CDH10: variants seen among roughly 807,000 people sequenced by gnomAD.
CDH10 encodes the protein cadherin-10.
Under a neutral mutation model 73.1 loss-of-function variants are expected in CDH10, and 30 were observed. The observed-to-expected ratio is 0.41, with a 90% CI of 0.31 to 0.56. The LOEUF (loss-of-function observed/expected upper bound fraction) is 0.56, where lower values mean the gene tolerates loss of function less well. CDH10 is among the 20% of genes least tolerant of loss of function. The pLI is 0.27. For synonymous variants in CDH10, 345 were observed against 348.2 expected, an observed-to-expected ratio of 0.99 and a Z score of 0.10; for missense variants, 815 against 973.7, an observed-to-expected ratio of 0.84 and a Z score of 2.17.
intron 9 of CDH10, among the ~76,000 whole-genome samples, chr5:24,496,220 A>G (rs1301427707): frequency 6.6e-6 from 1 of 152,204 alleles, no homozygotes; most frequent in Non-Finnish European, 1.5e-5. Context: ...TAAGCAGCAT[A>G]TACAGATTTC....
In CDH10 at chr5:24,535,752, A is replaced by G; in HGVS notation, c.597T>C (p.Ile199=). 1 of 1,611,524 alleles carries G rather than the reference A, an allele frequency of 6.2e-7. No homozygotes were observed. The highest frequency in any genetic ancestry group is 8.5e-7 in the Non-Finnish European group (1 of 1,178,308). ...DPSYGNSARV[I]YSILQGQPYF... is the part of the protein sequence containing the mutation. Reference sequence around the variant, plus strand: ...AGGGCTGCCCTTGAAGTATGCTGTAAATGACTCTGGCGCTGTTCCCATATG... The same window carrying G: ...AGGGCTGCCCTTGAAGTATGCTGTAGATGACTCTGGCGCTGTTCCCATATG... Residue 199 remains isoleucine (I), a synonymous_variant, in exon 4 of 12, where the codon ATT becomes ATC. Transcript: ENST00000264463.
intron 2 of CDH10, among the ~76,000 whole-genome samples, chr5:24,588,836 A>T (rs1016890423): frequency 2.0e-5 from 3 of 152,244 alleles, no homozygotes; most frequent in Admixed American, 6.5e-5. Flanking sequence ...TTCCCAAGGA[A>T]TAAACAGATC....
At chr5:24,564,437 G>C (rs763580732) in intron 2 of CDH10, among the ~76,000 whole-genome samples, 25 of 152,042 alleles carry the variant, frequency 1.6e-4, no homozygotes, top group Non-Finnish European at 2.6e-4. Context: ...TCTTTACAAA[G>C]GAATCACTTC....
chr5:24,538,618 G>C (rs1262089449), intron 2 of CDH10, among the ~76,000 whole-genome samples: 1 of 152,082 alleles, frequency 6.6e-6, no homozygotes, highest in Non-Finnish European at 1.5e-5. Context: ...CTTAAGGCTA[G>C]CCAACAGGCT....
chr5:24,633,313 C>T (rs892540029), intron 1 of CDH10, among the ~76,000 whole-genome samples: 9 of 151,784 alleles, frequency 5.9e-5, no homozygotes, highest in Admixed American at 5.9e-4. Context: ...TTATAAAAAA[C>T]CCAGTCAAAG....
intron 1 of CDH10, among the ~76,000 whole-genome samples, chr5:24,599,577 C>T (rs1282442734): frequency 6.6e-6 from 1 of 152,100 alleles, no homozygotes; most frequent in Non-Finnish European, 1.5e-5. Flanking sequence ...GAACATGCAT[C>T]AGACTGGCAT....
At chr5:24,593,163 A>C in intron 2 of CDH10, 97 bp downstream of exon 2, 1 of 691,888 alleles carries the variant, frequency 1.4e-6, no homozygotes, top group Non-Finnish European at 2.5e-6. Flanking sequence ...TTAAAGAATC[A>C]GATTTATAAA....
chr5:24,525,559 C>T (rs970773188), intron 5 of CDH10, among the ~76,000 whole-genome samples: 1 of 151,930 alleles, frequency 6.6e-6, no homozygotes, highest in African/African-American at 2.4e-5. Flanking sequence ...CAAGATAAAG[C>T]TCCTTGGAGG....
At chr5:24,496,131 T>C (rs1057440605) in intron 9 of CDH10, among the ~76,000 whole-genome samples, 2 of 152,136 alleles carry the variant, frequency 1.3e-5, no homozygotes, top group African/African-American at 4.8e-5. Flanking sequence ...CTTAAAGGCT[T>C]AGTTGTCATT....
chr5:24,625,153 T>C (rs1401609003), intron 1 of CDH10, among the ~76,000 whole-genome samples: 2 of 152,148 alleles, frequency 1.3e-5, no homozygotes, highest in African/African-American at 4.8e-5. Flanking sequence ...GCTGAAAATA[T>C]AATAGGTTCA....
At chr5:24,588,391 G>A (rs1438209177) in intron 2 of CDH10, among the ~76,000 whole-genome samples, 1 of 152,078 alleles carries the variant, frequency 6.6e-6, no homozygotes, top group African/African-American at 2.4e-5. Context: ...TTTTATGTAG[G>A]TCCTTTTGGT....
chr5:24,538,565 T>A (rs749254809), intron 2 of CDH10, among the ~76,000 whole-genome samples: 10 of 152,122 alleles, frequency 6.6e-5, no homozygotes, highest in Non-Finnish European at 1.3e-4. Context: ...GGAGTTCATG[T>A]GTCATGAACA....
intron 8 of CDH10, among the ~76,000 whole-genome samples, chr5:24,504,506 C>CTTT (rs70965605): frequency 3.1e-5 from 2 of 65,162 alleles, no homozygotes; most frequent in Non-Finnish European, 5.9e-5. Context: ...TCCTATTAAT[C>CTTT]TTTTTTTTTT....
At chr5:24,521,211 AGAACAATCCACATACAAG>A (rs1743318486) in intron 5 of CDH10, among the ~76,000 whole-genome samples, 1 of 152,224 alleles carries the variant, frequency 6.6e-6, no homozygotes, top group Non-Finnish European at 1.5e-5. Flanking sequence ...CATCAGATGC[AGAACAATCCACATACAAG>A]CTCACGCTAA....
intron 11 of CDH10, among the ~76,000 whole-genome samples, chr5:24,489,782 G>A (rs1471414368): frequency 6.6e-6 from 1 of 152,004 alleles, no homozygotes; most frequent in Non-Finnish European, 1.5e-5. Flanking sequence ...TCATTGTTTG[G>A]GGGGAAAGTA....
chr5:24,502,690 G>A (rs1235877682), intron 8 of CDH10, among the ~76,000 whole-genome samples: 1 of 152,068 alleles, frequency 6.6e-6, no homozygotes, highest in Admixed American at 6.5e-5. Flanking sequence ...ACTTCAACTA[G>A]CTTTAGAAGT....
At chr5:24,621,066 T>A (rs1358883311) in intron 1 of CDH10, among the ~76,000 whole-genome samples, 2 of 152,190 alleles carry the variant, frequency 1.3e-5, no homozygotes, top group Non-Finnish European at 2.9e-5. Context: ...GTAGGCCTGA[T>A]GCAGTTTAAT....
chr5:24,603,253 G>A (rs1746631923), intron 1 of CDH10, among the ~76,000 whole-genome samples: 1 of 152,004 alleles, frequency 6.6e-6, no homozygotes, highest in African/African-American at 2.4e-5. Flanking sequence ...TTTCTCTTTG[G>A]AGTCTAACAC....
At chr5:24,549,605 G>C (rs953767836) in intron 2 of CDH10, among the ~76,000 whole-genome samples, 1 of 142,776 alleles carries the variant, frequency 7.0e-6, no homozygotes, top group Non-Finnish European at 1.5e-5. Context: ...AGGCTGAAGT[G>C]CAATGGCACA....
Sources: gnomAD v4.1 joint callset for allele counts (sites outside exome capture counted in the v4.1 genomes callset) on GRCh38, gnomAD v4.1.1 for gene constraint, MANE v1.5 for transcripts, NCBI Gene and HGNC (gene_info 2026-07-23, HGNC 2026-07-21) for gene names.